KCNB2: variants seen among roughly 807,000 people sequenced by gnomAD.
KCNB2 encodes the protein delayed rectifier potassium channel protein.
In KCNB2, 15 loss-of-function variants were observed where a neutral mutation model predicts 61.5. That is an observed-to-expected ratio of 0.24 (90% CI 0.16 to 0.38). The LOEUF is 0.38. Among genes scored for constraint, KCNB2 ranks in the 10% least tolerant of loss-of-function variants. KCNB2 has a pLI of 1.00. For missense variants in KCNB2, 828 were observed against 1,125.2 expected, an observed-to-expected ratio of 0.74 and a Z score of 3.78; for synonymous variants, 457 against 446.0, an observed-to-expected ratio of 1.02 and a Z score of -0.31.
At chr8:72,545,157 G>T (rs1266904628) in intron 1 of KCNB2, among the ~76,000 whole-genome samples, 1 of 152,108 alleles carries the variant, frequency 6.6e-6, no homozygotes. Flanking sequence ...CAAAGTCCAG[G>T]TTCTATGGCT....
chr8:72,648,114 G>C (rs1421675937), intron 2 of KCNB2, among the ~76,000 whole-genome samples: 4 of 152,148 alleles, frequency 2.6e-5, no homozygotes, highest in Non-Finnish European at 5.9e-5. Flanking sequence ...TAGGTTACTA[G>C]ACTTCTCCTA....
At chr8:72,538,081 A>G (rs926577418) in intron 1 of KCNB2, among the ~76,000 whole-genome samples, 196 bp downstream of exon 1, 15 of 152,098 alleles carry the variant, frequency 9.9e-5, no homozygotes, top group African/African-American at 3.6e-4. Context: ...GAAGGCGCTC[A>G]AGTATTAGCC....
chr8:72,912,109 G>A (rs1310414882), intron 2 of KCNB2, among the ~76,000 whole-genome samples: 1 of 152,106 alleles, frequency 6.6e-6, no homozygotes. Context: ...TAGCTCCTGG[G>A]CTTTGTCATC....
chr8:72,647,052 C>G (rs1486006114), intron 2 of KCNB2, among the ~76,000 whole-genome samples: 2 of 152,124 alleles, frequency 1.3e-5, no homozygotes, highest in Non-Finnish European at 2.9e-5. Flanking sequence ...CTCTCTTGCT[C>G]TGCGTCTTGA....
chr8:72,788,298 A>G (rs139342644), intron 2 of KCNB2, among the ~76,000 whole-genome samples: 45 of 152,310 alleles, frequency 3.0e-4, no homozygotes, highest in Non-Finnish European at 5.4e-4. Context: ...AGGTACCAGC[A>G]GGATTGGTTT....
At chr8:72,613,796 C>T (rs1347427538) in intron 2 of KCNB2, among the ~76,000 whole-genome samples, 1 of 152,176 alleles carries the variant, frequency 6.6e-6, no homozygotes, top group Non-Finnish European at 1.5e-5. Flanking sequence ...TAGCAGAGTT[C>T]CTTTCTTCTG....
At chr8:72,642,599 C>T (rs1444754285) in intron 2 of KCNB2, among the ~76,000 whole-genome samples, 2 of 152,020 alleles carry the variant, frequency 1.3e-5, no homozygotes, top group Non-Finnish European at 2.9e-5. Flanking sequence ...AGGTTGGAGG[C>T]AGGATAGTTG....
intron 2 of KCNB2, among the ~76,000 whole-genome samples, chr8:72,930,172 G>T (rs1806749144): frequency 6.6e-6 from 1 of 151,780 alleles, no homozygotes; most frequent in African/African-American, 2.4e-5. Context: ...GTGTATATGT[G>T]CCACATTTTC....
chr8:72,660,904 C>G (rs72668172), intron 2 of KCNB2: 1 of 152,188 alleles, frequency 6.6e-6, no homozygotes, highest in African/African-American at 2.4e-5. Flanking sequence ...CTTTCTAATG[C>G]TTTTCCCTAA....
chr8:72,732,065 C>T (rs1807754489), intron 2 of KCNB2: 1 of 152,246 alleles, frequency 6.6e-6, no homozygotes, highest in Non-Finnish European at 1.5e-5. Flanking sequence ...GAGGAAGCCT[C>T]TGTTGGAAGT....
chr8:72,539,326 A>G (rs766681720), intron 1 of KCNB2, among the ~76,000 whole-genome samples: 7 of 152,228 alleles, frequency 4.6e-5, no homozygotes, highest in Non-Finnish European at 7.3e-5. Flanking sequence ...TGAAGGTCCA[A>G]CGTAGAAATA....
intron 2 of KCNB2, among the ~76,000 whole-genome samples, chr8:72,696,300 G>A (rs1308030494): frequency 6.6e-6 from 1 of 152,186 alleles, no homozygotes; most frequent in Non-Finnish European, 1.5e-5. Context: ...GAGGATGCAT[G>A]TGCTGAGTGG....
intron 2 of KCNB2, among the ~76,000 whole-genome samples, chr8:72,918,830 T>C (rs1040756904): frequency 9.2e-5 from 14 of 152,220 alleles, no homozygotes; most frequent in African/African-American, 3.1e-4. Context: ...TGTAATATAA[T>C]GTGTTTAGTC....
At chr8:72,749,701 T>TA (rs1808151840) in intron 2 of KCNB2, among the ~76,000 whole-genome samples, 1 of 145,176 alleles carries the variant, frequency 6.9e-6, no homozygotes. Flanking sequence ...ATTTGGCGTA[T>TA]ACAAAAAAGT....
intron 2 of KCNB2, among the ~76,000 whole-genome samples, chr8:72,822,803 G>T (rs891561854): frequency 6.6e-6 from 1 of 152,148 alleles, no homozygotes; most frequent in Admixed American, 6.6e-5. Context: ...TGGAATCTTT[G>T]CCAGGATCTT....
At chr8:72,904,521 G>A (rs35268105) in intron 2 of KCNB2, among the ~76,000 whole-genome samples, 1 of 151,956 alleles carries the variant, frequency 6.6e-6, no homozygotes, top group Non-Finnish European at 1.5e-5. Context: ...GAACTTAAAA[G>A]TTGGACATTT....
chr8:72,908,143 C>T (rs1054682893), intron 2 of KCNB2, among the ~76,000 whole-genome samples: 1 of 151,948 alleles, frequency 6.6e-6, no homozygotes, highest in African/African-American at 2.4e-5. Flanking sequence ...TTATTGAGCT[C>T]CTCTTTTGTG....
intron 2 of KCNB2, among the ~76,000 whole-genome samples, chr8:72,591,276 T>A (rs1041319835): frequency 6.6e-6 from 1 of 152,168 alleles, no homozygotes; most frequent in African/African-American, 2.4e-5. Context: ...ATGACTCAAA[T>A]AAGCACAGAT....
At chr8:72,867,400 G>A (rs1272657098) in intron 2 of KCNB2, among the ~76,000 whole-genome samples, 1 of 152,156 alleles carries the variant, frequency 6.6e-6, no homozygotes, top group Admixed American at 6.6e-5. Context: ...TATAAGCCCT[G>A]CACTTTGGGA....
Sources: allele counts gnomAD v4.1 joint callset (sites outside exome capture counted in the v4.1 genomes callset), GRCh38; gene constraint gnomAD v4.1.1; transcripts MANE v1.5; gene names NCBI Gene and HGNC (gene_info 2026-07-23, HGNC 2026-07-21).